Variants in PCDHGA9 observed in about 807,000 individuals in gnomAD.
PCDHGA9 encodes protocadherin gamma-A9.
A neutral mutation model predicts 62.5 loss-of-function variants in PCDHGA9; 37 were observed. The ratio of observed to expected loss-of-function variants is 0.59; its 90% CI spans 0.46 to 0.78. PCDHGA9 has a LOEUF of 0.78. Ranked by LOEUF, PCDHGA9 falls within the 30% of genes least tolerant of loss-of-function variation. PCDHGA9 has a pLI of 0.00. For synonymous variants in PCDHGA9, 459 were observed against 484.6 expected, an observed-to-expected ratio of 0.95 and a Z score of 0.69; for missense variants, 1,138 against 1,166.2, an observed-to-expected ratio of 0.98 and a Z score of 0.35.
At position 141,431,248 on chromosome 5, in the gene PCDHGA9, G is replaced by T. The variant is rs1213088915; in HGVS notation, c.2424+25872G>T. ...CCCACGCCTGGGATCCGGATATCGG[G>T]AAGAACTCTCTGCAGAGCTACGAGC... On this transcript the variant is annotated intron_variant, in intron 1 of 3. Coordinates refer to ENST00000573521, the MANE Select transcript of PCDHGA9 (RefSeq NM_018921.3). The surrounding 1 kb of genome is among the most constrained non-coding windows in gnomAD (Gnocchi z 4.8). 6.2e-7 allele frequency: 1 copy of T among 1,614,022 alleles called. No individual in the cohort carries two copies. The highest frequency in any genetic ancestry group is 8.5e-7 in the Non-Finnish European group (1 of 1,180,056).
chr5:141,410,189 G>T, intron 1 of PCDHGA9: 1 of 1,613,992 alleles, frequency 6.2e-7, no homozygotes, highest in Non-Finnish European at 8.5e-7. Flanking sequence ...GCTTCATCTG[G>T]TCTTCGCAGA....
chr5:141,480,457 G>GT (rs1309116577), intron 1 of PCDHGA9, among the ~76,000 whole-genome samples: 4 of 152,060 alleles, frequency 2.6e-5, no homozygotes, highest in Non-Finnish European at 5.9e-5. Flanking sequence ...ATTTTTATTA[G>GT]TTCCTCACTC....
intron 1 of PCDHGA9, among the ~76,000 whole-genome samples, chr5:141,483,207 A>C (rs1225621725): frequency 6.6e-6 from 1 of 152,224 alleles, no homozygotes; most frequent in African/African-American, 2.4e-5. Flanking sequence ...TATTCCATAT[A>C]GATGACAGTC....
rs754835805 is a variant in PCDHGA9 at position 141,415,008 on chromosome 5, T to C, written c.2424+9632T>C. ...GCCAGAACGCCTGGCTGTCCTACCGTCTGCTCAAGGCCAGCGAGCCGGGAC... is the reference window on the plus strand; with the variant it reads ...GCCAGAACGCCTGGCTGTCCTACCGCCTGCTCAAGGCCAGCGAGCCGGGAC... On this transcript the variant is annotated intron_variant, in intron 1 of 3. Transcript: ENST00000573521. 3.1e-6 allele frequency: 5 copies of C among 1,613,636 alleles called. No individual in the cohort carries two copies. The South Asian group carries it at 3.3e-5, about 11-fold the overall frequency.
chr5:141,494,431 T>C (rs1403792155), intron 1 of PCDHGA9, among the ~76,000 whole-genome samples: 1 of 152,158 alleles, frequency 6.6e-6, no homozygotes, highest in Non-Finnish European at 1.5e-5. Context: ...TTGAAAAGCC[T>C]CCTTTGCCAC....
intron 1 of PCDHGA9, among the ~76,000 whole-genome samples, chr5:141,483,272 A>T (rs545719861): frequency 4.4e-4 from 67 of 152,196 alleles, no homozygotes; most frequent in African/African-American, 1.4e-3. Flanking sequence ...TGTTTTAGAA[A>T]TATTATTCTG....
chr5:141,505,597 T>C, intron 3 of PCDHGA9, 116 bp downstream of exon 3: 1 of 1,558,330 alleles, frequency 6.4e-7, no homozygotes, highest in Non-Finnish European at 8.7e-7. Context: ...TCCAGATCTT[T>C]CGGCAGGTCT....
Position 141,486,369 on chromosome 5 carries a change from C to A in PCDHGA9, c.2425-8438C>A. On this transcript the variant is annotated intron_variant, in intron 1 of 3. Coordinates refer to ENST00000573521, the MANE Select transcript of PCDHGA9 (RefSeq NM_018921.3). This position sits in a 1 kb window ranked among gnomAD's most constrained non-coding sequence, Gnocchi z 5.0. ...GACCACTTGCCATTTGCCCTCAAGT[C>A]TGCCTTCAGGAACCAGTTCTCCCTG... 6.2e-7 allele frequency: 1 copy of A among 1,614,128 alleles called. No individual in the cohort carries two copies. Among genetic ancestry groups the A allele is most frequent in the African/African-American group, 1.3e-5 (1 of 75,048 alleles).
chr5:141,448,515 T>C (rs1158968509), intron 1 of PCDHGA9, among the ~76,000 whole-genome samples: 1 of 152,212 alleles, frequency 6.6e-6, no homozygotes, highest in Non-Finnish European at 1.5e-5. Flanking sequence ...TTTATAACTT[T>C]ATTAAGCATC....
At position 141,431,317 on chromosome 5, in the gene PCDHGA9, C is replaced by T. The variant is rs778667104; in HGVS notation, c.2424+25941C>T. ...TCTCCCTCATCGTGCAAAATGGAGC[C>T]GACGGTAGTAAGTACCCCGAATTGG... On this transcript the variant is annotated intron_variant, in intron 1 of 3. Coordinates refer to ENST00000573521, the MANE Select transcript of PCDHGA9 (RefSeq NM_018921.3). This position sits in a 1 kb window ranked among gnomAD's most constrained non-coding sequence, Gnocchi z 4.8. The T allele has an allele frequency of 6.2e-6, 10 of 1,613,964 alleles. No homozygotes were observed. The highest frequency in any genetic ancestry group is 7.6e-6 in the Non-Finnish European group (9 of 1,180,046).
chr5:141,427,138 A>G (rs1397576025), intron 1 of PCDHGA9: 1 of 456,954 alleles, frequency 2.2e-6, no homozygotes, highest in Non-Finnish European at 4.4e-6. Context: ...CTACGAGATG[A>G]TATTGGAAAT....
Position 141,404,532 on chromosome 5 carries a change from A to G in PCDHGA9, c.1580A>G (p.Asp527Gly). 6.2e-7 allele frequency: 1 copy of G among 1,613,918 alleles called. No individual in the cohort carries two copies. Among genetic ancestry groups the G allele is most frequent in the Non-Finnish European group, 8.5e-7 (1 of 1,179,856 alleles). ...LCSFDYEQFR[D>G]LQMQVTASDS... ...TCCTTTGACTATGAGCAGTTTAGAGATTTGCAAATGCAGGTGACGGCAAGT... is the reference window on the plus strand; with the variant it reads ...TCCTTTGACTATGAGCAGTTTAGAGGTTTGCAAATGCAGGTGACGGCAAGT... The change falls in exon 1 of 4, where the codon GAT becomes GGT. Residue 527 changes from aspartate to glycine, a missense_variant. Transcript: ENST00000573521.
chr5:141,489,867 G>C lies in PCDHGA9; in HGVS notation c.2425-4940G>C. ...ATCGTGAAGCCCAGGCAAGACATCA[G>C]CTGGTGCTTACTGCTGTGGATGGGG... On this transcript the variant is annotated intron_variant, in intron 1 of 3. Transcript: ENST00000573521. This position sits in a 1 kb window ranked among gnomAD's most constrained non-coding sequence, Gnocchi z 4.5. 1 of 1,614,240 alleles carries C rather than the reference G, an allele frequency of 6.2e-7. No individual in the cohort carries two copies. Among genetic ancestry groups the C allele is most frequent in the Non-Finnish European group, 8.5e-7 (1 of 1,180,034 alleles).
At chr5:141,466,004 C>T (rs1336655723) in intron 1 of PCDHGA9, among the ~76,000 whole-genome samples, 1 of 151,920 alleles carries the variant, frequency 6.6e-6, no homozygotes, top group Non-Finnish European at 1.5e-5. Flanking sequence ...CACCTGTAGT[C>T]CCAGCTACTC....
intron 1 of PCDHGA9, among the ~76,000 whole-genome samples, chr5:141,467,789 G>A (rs1264350552): frequency 6.6e-6 from 1 of 152,066 alleles, no homozygotes; most frequent in Non-Finnish European, 1.5e-5. Context: ...CTCTCAAGTA[G>A]CTGGGACTAC....
chr5:141,428,056 C>T (rs2097104330), intron 1 of PCDHGA9: 3 of 1,609,000 alleles, frequency 1.9e-6, no homozygotes, highest in African/African-American at 1.3e-5. Flanking sequence ...AAGGTGGTGG[C>T]GGTGGACGCA....
At chr5:141,417,129 T>C (rs887933624) in intron 1 of PCDHGA9, 2 of 152,218 alleles carry the variant, frequency 1.3e-5, no homozygotes, top group South Asian at 2.1e-4. Context: ...TGGATGATGG[T>C]AATGACTAGG....
intron 1 of PCDHGA9, among the ~76,000 whole-genome samples, chr5:141,468,946 C>G: frequency 7.0e-6 from 1 of 141,900 alleles, no homozygotes; most frequent in Non-Finnish European, 1.5e-5. Context: ...ATGGGGTAAA[C>G]CTGTGGTTTT....
In PCDHGA9 at chr5:141,432,540, T is replaced by C. The variant is rs147884705; in HGVS notation, c.2424+27164T>C. The C allele has an allele frequency of 1.2e-6, 2 of 1,613,726 alleles. No homozygotes were observed. The highest frequency in any genetic ancestry group is 2.2e-5 in the South Asian group (2 of 91,058). On this transcript the variant is annotated intron_variant, in intron 1 of 3. Transcript: ENST00000573521. The surrounding 1 kb of genome is among the most constrained non-coding windows in gnomAD (Gnocchi z 6.0). ...TACCTGGTGACCAAGGTGGTGGCGG[T>C]GGACAGAGACTCCGGCCAGAACGCC...
Sources: allele counts gnomAD v4.1 joint callset (sites outside exome capture counted in the v4.1 genomes callset), GRCh38; gene constraint gnomAD v4.1.1; non-coding constraint Gnocchi (gnomAD v3.1); transcripts MANE v1.5; gene names NCBI Gene and HGNC (gene_info 2026-07-23, HGNC 2026-07-21).